Variants in L3MBTL2 observed in about 807,000 individuals in gnomAD.
L3MBTL2 encodes L3MBTL histone methyl-lysine binding protein 2, also known as lethal(3)malignant brain tumor-like protein 2.
A neutral mutation model predicts 86.4 loss-of-function variants in L3MBTL2; 49 were observed. The observed-to-expected ratio is 0.57, with a 90% CI of 0.45 to 0.72. The LOEUF is 0.72. Among genes scored for constraint, L3MBTL2 ranks in the 30% least tolerant of loss-of-function variants. The probability of loss-of-function intolerance (pLI) is 0.00; values close to 1 mark genes in which losing one functional copy is unlikely to be tolerated. For synonymous variants in L3MBTL2, 336 were observed against 350.6 expected (o/e 0.96, Z 0.47); for missense variants, 755 against 923.7 (o/e 0.82, Z 2.37).
chr22:41,229,696 C>G (rs1475306193), intron 16 of L3MBTL2, 40 bp downstream of exon 16: 2 of 1,612,786 alleles, frequency 1.2e-6, no homozygotes, highest in Non-Finnish European at 1.7e-6. Context: ...GACCAGCCTG[C>G]TCCGTGCTCA....
rs1416897473 is a variant in L3MBTL2, at chr22:41,230,423, G to A, written c.*172G>A. On this transcript the variant is annotated 3_prime_UTR_variant, in exon 17 of 17. Coordinates refer to ENST00000216237, the MANE Select transcript of L3MBTL2 (RefSeq NM_031488.5). ...GACCTGCTGGGGTCTCCTGGGACCC[G>A]CCTGTTGCTTCTGCCCTCCCCTGTG... 1.2e-5 allele frequency: 7 copies of A among 602,306 alleles called. No homozygotes were observed. Among genetic ancestry groups the A allele is most frequent in the African/African-American group, 3.7e-5 (2 of 53,674 alleles). 37.3% of individuals were successfully genotyped at this position (602,306 alleles called of 1,614,324 possible).
intron 4 of L3MBTL2, 132 bp from the exon 5 acceptor site, chr22:41,216,991 G>C (rs541707544): frequency 1.1e-5 from 7 of 664,854 alleles, no homozygotes; most frequent in Middle Eastern, 7.1e-4. Flanking sequence ...GGGTGTCGTG[G>C]GCAGCGCTGT....
At chr22:41,220,630 C>G (rs2031737663) in intron 6 of L3MBTL2, 104 bp from the exon 7 acceptor site, 1 of 1,311,790 alleles carries the variant, frequency 7.6e-7, no homozygotes, top group Non-Finnish European at 1.0e-6. Context: ...TGCACTCCAG[C>G]CTGGGCGACA....
In L3MBTL2 at chr22:41,209,871, C is replaced by T. The variant is rs1335425114; in HGVS notation, c.200C>T (p.Ser67Phe). 1 of 1,614,144 alleles carries T rather than the reference C, an allele frequency of 6.2e-7. No homozygotes were observed. Among genetic ancestry groups the T allele is most frequent in the Non-Finnish European group, 8.5e-7 (1 of 1,180,022 alleles). ...EDREAGELPT[S>F]PLHLLSPGTP... Reference sequence around the variant, plus strand: ...CGGGAAGCAGGGGAACTGCCGACCTCCCCGCTGCATTTGCTCAGCCCTGGG... The same window carrying T: ...CGGGAAGCAGGGGAACTGCCGACCTTCCCGCTGCATTTGCTCAGCCCTGGG... The change falls in exon 2 of 17, where the codon TCC becomes TTC. Residue 67 changes from serine to phenylalanine, a missense_variant. Around this residue, in one of 3 missense-constraint regions of L3MBTL2, gnomAD observed 103 missense variants for 105.2 expected, o/e 0.98. Coordinates refer to ENST00000216237, the MANE Select transcript of L3MBTL2 (RefSeq NM_031488.5).
At position 41,227,527 on chromosome 22, in the gene L3MBTL2, C is replaced by G; in HGVS notation, c.1822+204C>G. The G allele has an allele frequency of 6.9e-7, 1 of 1,459,798 alleles. No homozygotes were observed. Among genetic ancestry groups the G allele is most frequent in the Non-Finnish European group, 9.4e-7 (1 of 1,065,154 alleles). 90.4% of individuals were successfully genotyped at this position (1,459,798 alleles called of 1,614,324 possible). Reference sequence around the variant, plus strand: ...TTCCCTCTGGCCTGCAGAGCTCCTTCCTTCATCTTGCCCACTCTGTCATAT... The same window carrying G: ...TTCCCTCTGGCCTGCAGAGCTCCTTGCTTCATCTTGCCCACTCTGTCATAT... On this transcript the variant is annotated intron_variant, in intron 14 of 16. Coordinates refer to ENST00000216237, the MANE Select transcript of L3MBTL2 (RefSeq NM_031488.5). This position sits in a 1 kb window ranked among gnomAD's most constrained non-coding sequence, Gnocchi z 6.0.
intron 8 of L3MBTL2, among the ~76,000 whole-genome samples, chr22:41,222,000 G>C (rs1331401796): frequency 6.6e-6 from 1 of 152,150 alleles, no homozygotes; most frequent in East Asian, 1.9e-4. Flanking sequence ...CTGGGTTCAA[G>C]CAATTCTTCT....
chr22:41,226,595 G>A, intron 12 of L3MBTL2, 67 bp from the exon 13 acceptor site: 2 of 1,123,722 alleles, frequency 1.8e-6, no homozygotes, highest in Non-Finnish European at 2.7e-6. Context: ...TCAGCCATGT[G>A]TCCTTTCCTC....
intron 1 of L3MBTL2, chr22:41,209,408 A>G (rs1239274429): frequency 1.7e-5 from 5 of 300,676 alleles, no homozygotes; most frequent in Non-Finnish European, 3.2e-5. Context: ...CACCTGGCCC[A>G]CATTGTTATA....
At chr22:41,213,695 G>A (rs1025192066) in intron 2 of L3MBTL2, 198 bp from the exon 3 acceptor site, 2 of 542,184 alleles carry the variant, frequency 3.7e-6, no homozygotes, top group African/African-American at 3.8e-5. Context: ...GCCAAGGGAG[G>A]CCAAGCAGCA....
At chr22:41,221,314 G>C (rs139472) in intron 8 of L3MBTL2, 27 bp downstream of exon 8, 1,035,517 of 1,530,740 alleles carry the variant, frequency 0.68, 354,560 homozygotes, top group African/African-American at 0.91. Flanking sequence ...TAACTGATGT[G>C]CCTCCTTCCG....
intron 1 of L3MBTL2, among the ~76,000 whole-genome samples, chr22:41,207,674 C>T (rs1834301217): frequency 4.6e-5 from 7 of 151,772 alleles, no homozygotes. Flanking sequence ...CCTTTCTTCA[C>T]ACCTTTTTTT....
Position 41,225,884 on chromosome 22 carries a change from G to A in L3MBTL2, c.1447G>A (p.Ala483Thr), listed in dbSNP as rs1370275224. 3 of 1,614,090 alleles carry A rather than the reference G, an allele frequency of 1.9e-6. No individual in the cohort carries two copies. The highest frequency in any genetic ancestry group is 2.2e-5 in the East Asian group (1 of 44,886). ...GTTCTGCTACCATGCCTCTTCCCACGCCATCTTCCCGGCCACCTTCTGTCA... is the reference window on the plus strand; with the variant it reads ...GTTCTGCTACCATGCCTCTTCCCACACCATCTTCCCGGCCACCTTCTGTCA... ...DWFCYHASSH[A>T]IFPATFCQKN... The change falls in exon 12 of 17, where the codon GCC becomes ACC. Residue 483 changes from alanine (A) to threonine (T), a missense_variant. Physicochemically the swap from Ala to Thr is moderately conservative, Grantham distance 58. Coordinates refer to ENST00000216237, the MANE Select transcript of L3MBTL2 (RefSeq NM_031488.5). This position sits in a 1 kb window ranked among gnomAD's most constrained non-coding sequence, Gnocchi z 4.1.
chr22:41,227,016 C>T lies in L3MBTL2; in HGVS notation c.1588-73C>T, dbSNP rs760429518. ...CCCCTCCCTGCCAGTTCTTCAAGTGCCTCCGGGCCGGGGCAAGCCTGCTGG... is the reference window on the plus strand; with the variant it reads ...CCCCTCCCTGCCAGTTCTTCAAGTGTCTCCGGGCCGGGGCAAGCCTGCTGG... On this transcript the variant is annotated intron_variant, in intron 13 of 16. Transcript: ENST00000216237. This position sits in a 1 kb window ranked among gnomAD's most constrained non-coding sequence, Gnocchi z 6.0. 7.4e-7 allele frequency: 1 copy of T among 1,350,594 alleles called. No homozygotes were observed. The highest frequency in any genetic ancestry group is 1.0e-6 in the Non-Finnish European group (1 of 979,216). The allele number at this position is 1,350,594 out of a possible 1,614,324, so 83.7% of individuals were successfully genotyped here.
In L3MBTL2 at chr22:41,225,130, C is replaced by T. The variant is rs193179733; in HGVS notation, c.1356+59C>T. Reference sequence around the variant, plus strand: ...TTCTGAGCGGGGGGACCCATGTGGCCCAGAGCTCTAACCCCACTCGCCACC... The same window carrying T: ...TTCTGAGCGGGGGGACCCATGTGGCTCAGAGCTCTAACCCCACTCGCCACC... On this transcript the variant is annotated intron_variant, in intron 11 of 16. Coordinates refer to ENST00000216237, the MANE Select transcript of L3MBTL2 (RefSeq NM_031488.5). This position sits in a 1 kb window ranked among gnomAD's most constrained non-coding sequence, Gnocchi z 4.1. 2.7e-5 allele frequency: 38 copies of T among 1,413,184 alleles called. No individual in the cohort carries two copies. Among genetic ancestry groups the T allele is most frequent in the Non-Finnish European group, 3.7e-5 (38 of 1,015,568 alleles). The allele number at this position is 1,413,184 out of a possible 1,614,324, so 87.5% of individuals were successfully genotyped here. A position where few individuals can be genotyped will look rare whatever the true frequency, so the allele number is the denominator to read the frequency against.
rs1569151072 is a variant in L3MBTL2, at chr22:41,225,785, AC to A, written c.1357-3del. On this transcript the variant is annotated splice_polypyrimidine_tract_variant and splice_region_variant and intron_variant, in intron 11 of 16. Transcript: ENST00000216237. The surrounding 1 kb of genome is among the most constrained non-coding windows in gnomAD (Gnocchi z 4.1). ...TATGATCTGTCTGCCTGCTCCCCCC[AC>A]CCCCCAGGTTCTCCTGGATGGATAC... The A allele has an allele frequency of 3.7e-6, 6 of 1,601,952 alleles. No homozygotes were observed. The highest frequency in any genetic ancestry group is 5.1e-6 in the Non-Finnish European group (6 of 1,171,500).
At chr22:41,228,016 T>C in intron 15 of L3MBTL2, 147 bp downstream of exon 15, 1 of 1,426,012 alleles carries the variant, frequency 7.0e-7, no homozygotes, top group Non-Finnish European at 9.2e-7. Context: ...CTGTCCTGTC[T>C]CTTTCCCCTT....
chr22:41,218,320 C>T (rs1261823895), intron 5 of L3MBTL2: 3 of 152,140 alleles, frequency 2.0e-5, no homozygotes, highest in East Asian at 1.9e-4. Flanking sequence ...CGAGACCAGC[C>T]TGGCCAACAT....
Position 41,225,789 on chromosome 22 carries a change from C to T in L3MBTL2, c.1357-5C>T, listed in dbSNP as rs370552122. The stretch of plus-strand genomic sequence containing the variant: ...ATCTGTCTGCCTGCTCCCCCCACCC[C>T]CCAGGTTCTCCTGGATGGATACCTG... On this transcript the variant is annotated splice_polypyrimidine_tract_variant and splice_region_variant and intron_variant, in intron 11 of 16. Coordinates refer to ENST00000216237, the MANE Select transcript of L3MBTL2 (RefSeq NM_031488.5). The surrounding 1 kb of genome is among the most constrained non-coding windows in gnomAD (Gnocchi z 4.1). 3.7e-5 allele frequency: 59 copies of T among 1,606,546 alleles called. No individual in the cohort carries two copies. Among genetic ancestry groups the T allele is most frequent in the Non-Finnish European group, 4.6e-5 (54 of 1,174,360 alleles).
At chr22:41,213,762 T>G (rs909394274) in intron 2 of L3MBTL2, 131 bp from the exon 3 acceptor site, 167 of 954,364 alleles carry the variant, frequency 1.7e-4, no homozygotes, top group Non-Finnish European at 2.6e-4. Flanking sequence ...TTCCTCCTCT[T>G]ATTCCATTAG....
Sources: allele counts gnomAD v4.1 joint callset (sites outside exome capture counted in the v4.1 genomes callset), GRCh38; gene constraint gnomAD v4.1.1; regional missense constraint gnomAD v4.1.1; non-coding constraint Gnocchi (gnomAD v3.1); transcripts MANE v1.5; gene names NCBI Gene and HGNC (gene_info 2026-07-23, HGNC 2026-07-21).